The following COL5A3 variants were observed in gnomAD, a reference collection of about 807,000 sequenced individuals.
The protein encoded by COL5A3 is collagen alpha-3(V) chain.
COL5A3 carries 172 observed loss-of-function variants against 250.0 expected under a neutral mutation model. That is an observed-to-expected ratio of 0.69 (90% CI 0.61 to 0.78). COL5A3 has a LOEUF of 0.78. Among genes scored for constraint, COL5A3 ranks in the 30% least tolerant of loss-of-function variants. COL5A3 has a pLI of 0.00. For missense variants in COL5A3, 2,340 were observed against 2,334.4 expected (o/e 1.00, Z -0.05); for synonymous variants, 937 against 900.4 (o/e 1.04, Z -0.73).
rs554922285 is a variant in COL5A3, at chr19:9,963,564, G to T, written c.4783-677C>A. On this transcript the variant is annotated intron_variant, in intron 64 of 66. Transcript: ENST00000264828. Reference sequence around the variant, plus strand: ...GTGCCACCATGCCTGTTTTTTTTGGGGGGGGGGGCGGGTGGAGGGGGTCTT... The same window carrying T: ...GTGCCACCATGCCTGTTTTTTTTGGTGGGGGGGGCGGGTGGAGGGGGTCTT... Among the ~76,000 whole-genome samples the T allele has an allele frequency of 2.8e-3, 354 of 126,514 alleles. 1 individual carries two copies. The highest frequency in any genetic ancestry group is 3.4e-3 in the Non-Finnish European group (205 of 59,458). 83.0% of individuals were successfully genotyped at this position (126,514 alleles called of 152,430 possible). A position where few individuals can be genotyped will look rare whatever the true frequency, so the allele number is the denominator to read the frequency against.
In COL5A3 at chr19:9,979,995, G is replaced by T; in HGVS notation, c.2657C>A (p.Pro886His). 1.9e-6 allele frequency: 3 copies of T among 1,585,534 alleles called. No individual in the cohort carries two copies. Among genetic ancestry groups the T allele is most frequent in the Non-Finnish European group, 2.6e-6 (3 of 1,171,646 alleles). ...CCCAATGAGGGTGACCTCACTCACA[G>T]GGGGGCCCTTTGGCCCAGGGAATCC... ...PPGFPGPKGP[P>H]GHQGKDGRPG... The change falls in exon 36 of 67, where the codon CCT becomes CAT. Residue 886 changes from proline to histidine, a missense_variant and splice_region_variant. Coordinates refer to ENST00000264828, the MANE Select transcript of COL5A3 (RefSeq NM_015719.4).
chr19:10,005,268 T>C (rs935377439), intron 4 of COL5A3, among the ~76,000 whole-genome samples: 2 of 151,824 alleles, frequency 1.3e-5, no homozygotes, highest in Non-Finnish European at 2.9e-5. Context: ...GAGAATCGCT[T>C]GAACCCATGA....
At chr19:9,987,436 G>T (rs1048371105) in intron 27 of COL5A3, among the ~76,000 whole-genome samples, 32 of 152,100 alleles carry the variant, frequency 2.1e-4, no homozygotes, top group African/African-American at 6.8e-4. Context: ...CAACATAGGG[G>T]TCAGTTAATG....
At chr19:9,992,512 A>G (rs760520776) in intron 21 of COL5A3, among the ~76,000 whole-genome samples, 9 of 152,090 alleles carry the variant, frequency 5.9e-5, no homozygotes, top group Middle Eastern at 3.4e-3. Flanking sequence ...GACAGGGGCC[A>G]GGAACAGTGG....
Position 10,001,756 on chromosome 19 carries a change from T to G in COL5A3, c.963+12A>C, listed in dbSNP as rs8100235. The G allele has an allele frequency of 0.012, 19,118 of 1,613,356 alleles. 1,991 individuals are homozygous for G. The African/African-American group carries it at 0.22, about 19-fold the overall frequency. On this transcript the variant is annotated intron_variant, in intron 7 of 66. Transcript: ENST00000264828. Reference sequence around the variant, plus strand: ...AACCCTTGGGGTCTCCCCTCTTCCATCCCCATCCAACCTCTAGGATCGTGG... The same window carrying G: ...AACCCTTGGGGTCTCCCCTCTTCCAGCCCCATCCAACCTCTAGGATCGTGG...
intron 45 of COL5A3, among the ~76,000 whole-genome samples, chr19:9,975,405 G>A (rs1314226323): frequency 6.6e-6 from 1 of 152,138 alleles, no homozygotes; most frequent in Non-Finnish European, 1.5e-5. Context: ...GTAGAACTGA[G>A]GTTAAGGTCA....
chr19:9,964,586 A>C (rs1181035192), intron 64 of COL5A3, among the ~76,000 whole-genome samples: 1 of 152,168 alleles, frequency 6.6e-6, no homozygotes, highest in African/African-American at 2.4e-5. Context: ...CCTGGGTGAC[A>C]GAGTGAGACC....
At chr19:10,006,990 C>T (rs1018898390) in intron 1 of COL5A3, among the ~76,000 whole-genome samples, 2 of 151,686 alleles carry the variant, frequency 1.3e-5, no homozygotes, top group African/African-American at 4.8e-5. Context: ...CCTCTGACCT[C>T]CTCCCTCTGA....
rs764621810 is a variant in COL5A3, at chr19:9,966,383, C to G, written c.4713G>C (p.Ser1571=). The G allele has an allele frequency of 5.6e-6, 9 of 1,609,540 alleles. No individual in the cohort carries two copies. Among genetic ancestry groups the G allele is most frequent in the South Asian group, 2.2e-5 (2 of 90,356 alleles). The change falls in exon 64 of 67, where the codon TCG becomes TCC. Residue 1571 remains serine (S), a synonymous_variant. Transcript: ENST00000264828. ...IDPNQGCARD[S]FRVFCNFTAG... ...CCGTGAAGTTGCAAAAAACCCTGAA[C>G]GAGTCCCGCGCGCAGCCCTGGTTGG...
intron 54 of COL5A3, among the ~76,000 whole-genome samples, chr19:9,970,324 A>T (rs2086819515): frequency 3.1e-5 from 2 of 63,556 alleles, no homozygotes; most frequent in Admixed American, 1.9e-4. Context: ...TCTGTGGGTG[A>T]GTGGGGTCTG....
chr19:10,005,521 C>T (rs1267145451), intron 4 of COL5A3, 37 bp downstream of exon 4: 1 of 1,604,940 alleles, frequency 6.2e-7, no homozygotes, highest in Non-Finnish European at 8.5e-7. Flanking sequence ...AAACATCCCA[C>T]CCTCTGCCTC....
At chr19:10,002,183 A>G (rs2087373408) in intron 6 of COL5A3, among the ~76,000 whole-genome samples, 1 of 151,414 alleles carries the variant, frequency 6.6e-6, no homozygotes, top group South Asian at 2.1e-4. Context: ...TCCTCTCCCA[A>G]GGCAGAGTTC....
At chr19:9,986,450 T>A in intron 29 of COL5A3, 28 bp from the exon 30 acceptor site, 1 of 1,610,854 alleles carries the variant, frequency 6.2e-7, no homozygotes, top group Non-Finnish European at 8.5e-7. Flanking sequence ...GTATTTAATA[T>A]CCATCTTTTG....
intron 24 of COL5A3, 25 bp from the exon 25 acceptor site, chr19:9,989,547 A>C (rs1416264544): frequency 3.1e-6 from 5 of 1,600,960 alleles, no homozygotes; most frequent in Non-Finnish European, 4.3e-6. Flanking sequence ...ACAGCAGGGG[A>C]GAGACAGAGG....
intron 24 of COL5A3, 22 bp downstream of exon 24, chr19:9,991,588 G>C: frequency 6.4e-7 from 1 of 1,570,538 alleles, no homozygotes; most frequent in South Asian, 1.2e-5. Flanking sequence ...AGGAGGTCGC[G>C]GTAGGTGGAG....
rs1432581945 is a variant in COL5A3, at chr19:9,979,390, C to T, written c.2740G>A (p.Gly914Arg). ...LGFQGQTGPP[G>R]PAGVLGPQGK... ...TGAGGGCCTAAGACACCAGCTGGTCCAGGCGGGCCTGTCTGACCTTGGAAG... is the reference window on the plus strand; with the variant it reads ...TGAGGGCCTAAGACACCAGCTGGTCTAGGCGGGCCTGTCTGACCTTGGAAG... The change falls in exon 38 of 67, where the codon GGA (glycine) becomes AGA (arginine). Residue 914 changes from glycine (G) to arginine (R), a missense_variant. By Grantham distance (125) the Gly-to-Arg change is moderately radical (BLOSUM62 -2). This residue lies in a region of COL5A3 where 1,179 missense variants were observed against 1,162.6 expected (regional missense o/e 1.01). Coordinates refer to ENST00000264828, the MANE Select transcript of COL5A3 (RefSeq NM_015719.4). 2 of 1,614,118 alleles carry T rather than the reference C, an allele frequency of 1.2e-6. No homozygotes were observed. The highest frequency in any genetic ancestry group is 8.5e-7 in the Non-Finnish European group (1 of 1,180,008).
intron 24 of COL5A3, among the ~76,000 whole-genome samples, chr19:9,990,553 G>T (rs1243388242): frequency 6.7e-6 from 1 of 148,660 alleles, no homozygotes; most frequent in Non-Finnish European, 1.5e-5. Flanking sequence ...TACCCACAAA[G>T]ATAATAAATA....
intron 45 of COL5A3, 114 bp downstream of exon 45, chr19:9,976,444 G>T: frequency 2.7e-6 from 2 of 740,530 alleles, no homozygotes; most frequent in Non-Finnish European, 4.3e-6. Flanking sequence ...ACTGAGGGAA[G>T]ATCAGGGTTG....
chr19:9,985,882 A>AC lies in COL5A3; in HGVS notation c.2365dup (p.Val789GlyfsTer14). Reference sequence around the variant, plus strand: ...TCCTGGATAACCTGGGAGGCCTGGCACCCCAAGCTTGCCCTGCAGAAAGGT... The same window carrying AC: ...TCCTGGATAACCTGGGAGGCCTGGCACCCCCAAGCTTGCCCTGCAGAAAGGT... On this transcript the variant is annotated frameshift_variant, in exon 31 of 67. Coordinates refer to ENST00000264828, the MANE Select transcript of COL5A3 (RefSeq NM_015719.4). LOFTEE classifies it high-confidence loss of function. The AC allele has an allele frequency of 6.2e-7, 1 of 1,613,844 alleles. No homozygotes were observed. The highest frequency in any genetic ancestry group is 8.5e-7 in the Non-Finnish European group (1 of 1,179,904).
Sources: gnomAD v4.1 joint callset for allele counts (sites outside exome capture counted in the v4.1 genomes callset) on GRCh38, gnomAD v4.1.1 for gene constraint, gnomAD v4.1.1 regional missense constraint, MANE v1.5 for transcripts, NCBI Gene and HGNC (gene_info 2026-07-23, HGNC 2026-07-21) for gene names.